KCNN3: variants seen among roughly 807,000 people sequenced by gnomAD.
The protein encoded by KCNN3 is small conductance calcium-activated potassium channel protein 3.
In KCNN3, 16 loss-of-function variants were observed where a neutral mutation model predicts 62.9. The observed-to-expected ratio is 0.25, with a 90% confidence interval of 0.17 to 0.39. KCNN3 has a LOEUF of 0.39. Ranked by LOEUF, KCNN3 falls within the 10% of genes least tolerant of loss-of-function variation. KCNN3 has a pLI of 1.00. For synonymous variants in KCNN3, 370 were observed against 389.2 expected (o/e 0.95, Z 0.58); for missense variants, 599 against 949.4 (o/e 0.63, Z 4.85).
At chr1:154,744,281 C>A (rs1212771340) in intron 3 of KCNN3, among the ~76,000 whole-genome samples, 1 of 152,208 alleles carries the variant, frequency 6.6e-6, no homozygotes, top group African/African-American at 2.4e-5. Context: ...GCCAGTGGGA[C>A]AAGACCAGCA....
At chr1:154,774,619 T>C (rs1027472599) in intron 2 of KCNN3, among the ~76,000 whole-genome samples, 6 of 152,242 alleles carry the variant, frequency 3.9e-5, no homozygotes, top group Admixed American at 2.6e-4. Context: ...CTCTCTTTAC[T>C]GGGTCCTTGG....
chr1:154,789,928 C>G (rs1649438635), intron 2 of KCNN3, among the ~76,000 whole-genome samples: 1 of 152,012 alleles, frequency 6.6e-6, no homozygotes, highest in Non-Finnish European at 1.5e-5. Flanking sequence ...TTTTGAGAGA[C>G]AGAGTCTCGC....
rs1653102828 is a variant in KCNN3 at position 154,869,751 on chromosome 1, GCTGCTGCT to G, written c.206_213del (p.Gln69ProfsTer63). ...TGCTGCTGCTGCTGCTGCTGCTGCTGCTGCTGCTGCTGCTGAAGCTGCGGAGGCTGAGG... is the reference window on the plus strand; with the variant it reads ...TGCTGCTGCTGCTGCTGCTGCTGCTGGCTGCTGAAGCTGCGGAGGCTGAGG... On this transcript the variant is annotated frameshift_variant, in exon 1 of 8. Transcript: ENST00000271915. LOFTEE classifies it high-confidence loss of function. The surrounding 1 kb of genome is among the most constrained non-coding windows in gnomAD (Gnocchi z 6.1). 6.6e-7 allele frequency: 1 copy of G among 1,523,846 alleles called. No homozygotes were observed. Among genetic ancestry groups the G allele is most frequent in the Non-Finnish European group, 8.9e-7 (1 of 1,129,006 alleles). 94.4% of individuals were successfully genotyped at this position (1,523,846 alleles called of 1,614,324 possible). A position where few individuals can be genotyped will look rare whatever the true frequency, so the allele number is the denominator to read the frequency against.
intron 3 of KCNN3, among the ~76,000 whole-genome samples, chr1:154,743,780 TAA>T (rs1217937360): frequency 3.3e-5 from 5 of 152,172 alleles, no homozygotes; most frequent in Non-Finnish European, 7.4e-5. Context: ...CAGGCTGACA[TAA>T]GTGTTCCCAG....
chr1:154,767,730 A>G (rs1434988529), intron 3 of KCNN3, among the ~76,000 whole-genome samples: 3 of 152,200 alleles, frequency 2.0e-5, no homozygotes, highest in African/African-American at 7.2e-5. Flanking sequence ...CACAACTGTC[A>G]GGCCTCGGAA....
At chr1:154,754,367 G>C (rs1052324816) in intron 3 of KCNN3, among the ~76,000 whole-genome samples, 1 of 152,064 alleles carries the variant, frequency 6.6e-6, no homozygotes, top group African/African-American at 2.4e-5. Flanking sequence ...ATGGGGCTGG[G>C]AGTGGCATAA....
chr1:154,727,841 C>T (rs912124057), intron 4 of KCNN3, among the ~76,000 whole-genome samples: 4 of 152,188 alleles, frequency 2.6e-5, no homozygotes, highest in Non-Finnish European at 4.4e-5. Flanking sequence ...CCCTTCCCCT[C>T]GACCGGACGG....
intron 4 of KCNN3, among the ~76,000 whole-genome samples, chr1:154,731,769 G>A (rs921857624): frequency 1.3e-5 from 2 of 152,072 alleles, no homozygotes; most frequent in Non-Finnish European, 2.9e-5. Context: ...GGAGGGTTGC[G>A]GTCTCCAGCC....
At chr1:154,726,753 T>G (rs1201772310) in intron 4 of KCNN3, among the ~76,000 whole-genome samples, 1 of 152,156 alleles carries the variant, frequency 6.6e-6, no homozygotes, top group Non-Finnish European at 1.5e-5. Context: ...CAACACCACT[T>G]CTGCTGGATC....
At chr1:154,737,201 AAATTTGGGGGGGGGGG>A in intron 3 of KCNN3, 1 of 145,148 alleles carries the variant, frequency 6.9e-6, no homozygotes, top group East Asian at 2.4e-4. Context: ...TTGCAATAGA[AAATTTGGGGGGGGGGG>A]ATAGCTCCAT....
At chr1:154,781,671 G>T (rs1158636289) in intron 2 of KCNN3, among the ~76,000 whole-genome samples, 1 of 152,142 alleles carries the variant, frequency 6.6e-6, no homozygotes, top group Non-Finnish European at 1.5e-5. Context: ...CAAGTGTTTG[G>T]GGTCTGGTTC....
intron 1 of KCNN3, among the ~76,000 whole-genome samples, chr1:154,846,201 C>T (rs1418815120): frequency 6.6e-6 from 1 of 152,198 alleles, no homozygotes; most frequent in Non-Finnish European, 1.5e-5. Context: ...GATGCCTCTC[C>T]CAGCCAGAAC....
At chr1:154,790,741 C>T (rs1649478593) in intron 2 of KCNN3, among the ~76,000 whole-genome samples, 1 of 152,170 alleles carries the variant, frequency 6.6e-6, no homozygotes, top group South Asian at 2.1e-4. Flanking sequence ...GTCAAATCAT[C>T]GTTAAATCTG....
chr1:154,832,850 C>T (rs1474130674), intron 1 of KCNN3, among the ~76,000 whole-genome samples: 2 of 152,214 alleles, frequency 1.3e-5, no homozygotes, highest in Non-Finnish European at 2.9e-5. Context: ...CCCCAGCCAT[C>T]GCTGACAAGA....
At chr1:154,839,321 T>C (rs375529570) in intron 1 of KCNN3, among the ~76,000 whole-genome samples, 1 of 152,190 alleles carries the variant, frequency 6.6e-6, no homozygotes, top group Non-Finnish European at 1.5e-5. Flanking sequence ...ACAGATCCCA[T>C]AGCCCAAAGG....
intron 2 of KCNN3, among the ~76,000 whole-genome samples, chr1:154,782,278 A>G (rs1649083821): frequency 6.6e-6 from 1 of 152,228 alleles, no homozygotes; most frequent in Non-Finnish European, 1.5e-5. Context: ...CACTGCCCAC[A>G]GGTTAAATAT....
At chr1:154,752,109 C>T (rs904355428) in intron 3 of KCNN3, among the ~76,000 whole-genome samples, 24 of 151,858 alleles carry the variant, frequency 1.6e-4, no homozygotes, top group African/African-American at 5.6e-4. Context: ...TTCTTTTTGG[C>T]CAAATCTGTC....
intron 2 of KCNN3, among the ~76,000 whole-genome samples, chr1:154,777,716 T>C (rs1648851589): frequency 6.6e-6 from 1 of 152,204 alleles, no homozygotes; most frequent in East Asian, 1.9e-4. Flanking sequence ...CATCCAGCCC[T>C]GATTCTAGAC....
chr1:154,844,642 A>G (rs1043048490), intron 1 of KCNN3, among the ~76,000 whole-genome samples: 1 of 143,228 alleles, frequency 7.0e-6, no homozygotes, highest in Non-Finnish European at 1.5e-5. Flanking sequence ...TCGCTCTGCT[A>G]TCTTACTCAG....
Sources: allele counts gnomAD v4.1 joint callset (sites outside exome capture counted in the v4.1 genomes callset), GRCh38; gene constraint gnomAD v4.1.1; non-coding constraint Gnocchi (gnomAD v3.1); transcripts MANE v1.5; gene names NCBI Gene and HGNC (gene_info 2026-07-23, HGNC 2026-07-21).